The following CSMD3 variants were observed in gnomAD, a reference collection of about 807,000 sequenced individuals.
CSMD3 encodes CUB and sushi domain-containing protein 3.
In CSMD3, 177 loss-of-function variants were observed where a neutral mutation model predicts 435.2. The observed-to-expected ratio is 0.41, with a 90% CI of 0.36 to 0.46. CSMD3 has a LOEUF of 0.46. Among genes scored for constraint, CSMD3 ranks in the 20% least tolerant of loss-of-function variants. The probability of loss-of-function intolerance (pLI) is 0.34; values close to 1 mark genes in which losing one functional copy is unlikely to be tolerated. For missense variants in CSMD3, 4,265 were observed against 4,504.6 expected (o/e 0.95, Z 1.52); for synonymous variants, 1,656 against 1,520.5 (o/e 1.09, Z -2.07).
At chr8:112,755,239 G>A (rs1185638894) in intron 13 of CSMD3, among the ~76,000 whole-genome samples, 1 of 151,930 alleles carries the variant, frequency 6.6e-6, no homozygotes, top group Non-Finnish European at 1.5e-5. Flanking sequence ...GCTGAGGCAG[G>A]AGAATGGCGT....
chr8:112,432,135 C>G (rs1813785017), intron 32 of CSMD3, among the ~76,000 whole-genome samples: 1 of 152,016 alleles, frequency 6.6e-6, no homozygotes, highest in South Asian at 2.1e-4. Context: ...AAGCAACAAC[C>G]CAAAGCAAGG....
Position 113,162,169 on chromosome 8 carries a change from A to G in CSMD3, c.709+11553T>C, listed in dbSNP as rs531350876. 6.6e-5 allele frequency among the ~76,000 whole-genome samples: 10 copies of G among 152,230 alleles called. No individual in the cohort carries two copies. In the East Asian group the frequency reaches 1.5e-3, roughly 24 times the overall value. ...TTGATTGGGTGGTTGGTGGGATTTT[A>G]TTTAAGGAAAAATGTTAAGCCTTTA... On this transcript the variant is annotated intron_variant, in intron 4 of 70. Coordinates refer to ENST00000297405, the MANE Select transcript of CSMD3 (RefSeq NM_198123.2).
intron 3 of CSMD3, among the ~76,000 whole-genome samples, chr8:113,178,966 GTAAT>G (rs2092385934): frequency 6.6e-6 from 1 of 151,808 alleles, no homozygotes; most frequent in Non-Finnish European, 1.5e-5. Flanking sequence ...TTTTAAAAGA[GTAAT>G]TGAGAGTAAA....
chr8:112,507,071 G>T (rs953732337), intron 28 of CSMD3, among the ~76,000 whole-genome samples: 1 of 151,994 alleles, frequency 6.6e-6, no homozygotes, highest in Admixed American at 6.6e-5. Context: ...AGACCAAAAA[G>T]AATGCATATA....
chr8:112,547,462 C>T (rs1038110030), intron 27 of CSMD3, among the ~76,000 whole-genome samples: 3 of 151,810 alleles, frequency 2.0e-5, no homozygotes, highest in Admixed American at 1.3e-4. Flanking sequence ...GTGGGAAGAT[C>T]GCTTGAACTT....
At chr8:112,623,467 T>A (rs1361919627) in intron 22 of CSMD3, among the ~76,000 whole-genome samples, 1 of 152,152 alleles carries the variant, frequency 6.6e-6, no homozygotes, top group East Asian at 1.9e-4. Context: ...GTCTTAGATA[T>A]TTATTTTCCC....
intron 10 of CSMD3, among the ~76,000 whole-genome samples, chr8:112,863,365 G>A (rs1400235620): frequency 5.3e-5 from 8 of 151,574 alleles, no homozygotes; most frequent in African/African-American, 1.7e-4. Context: ...TATGGGGCAA[G>A]GTAAAGGAGC....
intron 1 of CSMD3, among the ~76,000 whole-genome samples, chr8:113,381,276 G>A (rs1018836324): frequency 6.6e-5 from 10 of 151,982 alleles, no homozygotes; most frequent in African/African-American, 2.2e-4. Context: ...ACATATTTGG[G>A]GATTACAAGG....
rs572810649 is a variant in CSMD3 at position 113,051,795 on chromosome 8, T to C, written c.918-32616A>G. Among the ~76,000 whole-genome samples the C allele has an allele frequency of 2.0e-5, 3 of 152,314 alleles. No homozygotes were observed. The South Asian group carries it at 6.2e-4, about 32-fold the overall frequency. On this transcript the variant is annotated intron_variant, in intron 5 of 70. Transcript: ENST00000297405. Reference sequence around the variant, plus strand: ...TAACAGGCGCTCAGTAAATGTATGCTGAATTGCATTAAATGTCAACACCTA... The same window carrying C: ...TAACAGGCGCTCAGTAAATGTATGCCGAATTGCATTAAATGTCAACACCTA...
chr8:112,483,291 G>A (rs1238677350), intron 31 of CSMD3, among the ~76,000 whole-genome samples: 1 of 152,070 alleles, frequency 6.6e-6, no homozygotes, highest in East Asian at 1.9e-4. Flanking sequence ...AGGAGTTCGA[G>A]ACCAGACTGG....
intron 8 of CSMD3, among the ~76,000 whole-genome samples, chr8:112,953,128 G>T (rs911590244): frequency 6.6e-6 from 1 of 151,302 alleles, no homozygotes; most frequent in East Asian, 1.9e-4. Flanking sequence ...TGAGAAGAGG[G>T]TAAGCCATTC....
At chr8:113,060,680 T>C (rs1359122426) in intron 5 of CSMD3, among the ~76,000 whole-genome samples, 1 of 152,160 alleles carries the variant, frequency 6.6e-6, no homozygotes, top group Non-Finnish European at 1.5e-5. Flanking sequence ...AAGTTCATAT[T>C]ATGCATTTGG....
chr8:112,859,088 T>C, intron 11 of CSMD3, 57 bp downstream of exon 11: 1 of 1,522,046 alleles, frequency 6.6e-7, no homozygotes, highest in East Asian at 2.3e-5. Context: ...ATTATTTCTT[T>C]GCCTTTGTCT....
chr8:112,642,285 T>C (rs2131601916), intron 20 of CSMD3, among the ~76,000 whole-genome samples: 1 of 152,158 alleles, frequency 6.6e-6, no homozygotes, highest in Middle Eastern at 3.4e-3. Flanking sequence ...CTGATGTACA[T>C]TTTTTTCTCT....
At chr8:113,433,924 G>A (rs941490424) in intron 1 of CSMD3, among the ~76,000 whole-genome samples, 7 of 152,142 alleles carry the variant, frequency 4.6e-5, no homozygotes, top group African/African-American at 1.4e-4. Context: ...TTTGAAATAG[G>A]CATGGATCAA....
In CSMD3 at chr8:112,265,438, A is replaced by ATGTGTACAATTAAT; in HGVS notation, c.9660_9661insATTAATTGTACACA (p.Trp3221IlefsTer9). 1 of 1,613,698 alleles carries ATGTGTACAATTAAT rather than the reference A, an allele frequency of 6.2e-7. No individual in the cohort carries two copies. On this transcript the variant is annotated frameshift_variant, in exon 60 of 71. Coordinates refer to ENST00000297405, the MANE Select transcript of CSMD3 (RefSeq NM_198123.2). LOFTEE classifies it high-confidence loss of function. ...CTACAAGTTGGCATTACTCCACTCC[A>ATGTGTACAATTAAT]TGTGCCATTAATTGTACAAGTCCTG...
intron 6 of CSMD3, among the ~76,000 whole-genome samples, chr8:113,007,093 G>T (rs1379523003): frequency 1.3e-5 from 2 of 151,922 alleles, no homozygotes; most frequent in African/African-American, 4.8e-5. Flanking sequence ...AGTTAATCTT[G>T]TCCCTCTTCT....
intron 30 of CSMD3, among the ~76,000 whole-genome samples, chr8:112,496,607 G>A (rs938008371): frequency 6.6e-6 from 1 of 152,144 alleles, no homozygotes; most frequent in East Asian, 1.9e-4. Context: ...TATATACAAT[G>A]AAGTACTATT....
intron 2 of CSMD3, among the ~76,000 whole-genome samples, chr8:113,303,402 A>G (rs2093790353): frequency 6.6e-6 from 1 of 151,722 alleles, no homozygotes; most frequent in South Asian, 2.1e-4. Flanking sequence ...ACAGAATTGG[A>G]AAAAACTACT....
Sources: gnomAD v4.1 joint callset for allele counts (sites outside exome capture counted in the v4.1 genomes callset) on GRCh38, gnomAD v4.1.1 for gene constraint, MANE v1.5 for transcripts, NCBI Gene and HGNC (gene_info 2026-07-23, HGNC 2026-07-21) for gene names.